The following RNGTT variants were observed in gnomAD, a reference collection of about 807,000 sequenced individuals.
RNGTT encodes RNA guanylyltransferase and 5'-phosphatase, also known as mRNA-capping enzyme.
Under a neutral mutation model 79.3 loss-of-function variants are expected in RNGTT, and 33 were observed. The observed-to-expected ratio is 0.42, with a 90% CI of 0.32 to 0.56. RNGTT has a LOEUF of 0.56. RNGTT is among the 20% of genes least tolerant of loss of function. The probability of loss-of-function intolerance (pLI) is 0.17; values close to 1 mark genes in which losing one functional copy is unlikely to be tolerated. For missense variants in RNGTT, 497 were observed against 739.1 expected (o/e 0.67, Z 3.80); for synonymous variants, 222 against 235.9 (o/e 0.94, Z 0.54).
intron 6 of RNGTT, among the ~76,000 whole-genome samples, chr6:88,899,295 C>T (rs1293563571): frequency 6.6e-6 from 1 of 151,210 alleles, no homozygotes; most frequent in Non-Finnish European, 1.5e-5. Flanking sequence ...CAGCCTATCA[C>T]TCTGTCACCT....
chr6:88,934,228 C>T (rs1332553554), intron 2 of RNGTT, among the ~76,000 whole-genome samples: 1 of 152,020 alleles, frequency 6.6e-6, no homozygotes, highest in Non-Finnish European at 1.5e-5. Flanking sequence ...GATGGTGTCT[C>T]GTTATGTTAT....
chr6:88,726,389 CAA>C lies in RNGTT; in HGVS notation c.1439+43383_1439+43384del, dbSNP rs61210098. 8.4e-3 allele frequency among the ~76,000 whole-genome samples: 839 copies of C among 99,494 alleles called. 14 individuals carry two copies. Among genetic ancestry groups the C allele is most frequent in the Admixed American group, 0.036 (362 of 9,944 alleles). 65.3% of individuals were successfully genotyped at this position (99,494 alleles called of 152,430 possible). A position where few individuals can be genotyped will look rare whatever the true frequency, so the allele number is the denominator to read the frequency against. ...CATCAGGTCAGAACTATCCTAAGTC[CAA>C]AAAAAAAAAAAAAAAAGCAAAAAGG... is the stretch of plus-strand genomic sequence containing the variant. On this transcript the variant is annotated intron_variant, in intron 13 of 15. Transcript: ENST00000369485.
chr6:88,646,998 G>A (rs1466910429), intron 14 of RNGTT, among the ~76,000 whole-genome samples: 1 of 152,054 alleles, frequency 6.6e-6, no homozygotes, highest in African/African-American at 2.4e-5. Flanking sequence ...TTGTGCACAT[G>A]TACCCTAGAA....
intron 12 of RNGTT, among the ~76,000 whole-genome samples, chr6:88,773,884 C>A (rs983962752): frequency 6.6e-6 from 1 of 152,040 alleles, no homozygotes; most frequent in Admixed American, 6.6e-5. Context: ...TAAGGCTCTG[C>A]GATCTTAGAT....
In RNGTT at chr6:88,846,685, G is replaced by A. The variant is rs1473756402; in HGVS notation, c.1105-2164C>T. On this transcript the variant is annotated intron_variant, in intron 10 of 15. Coordinates refer to ENST00000369485, the MANE Select transcript of RNGTT (RefSeq NM_003800.5). ...TGAGGCATGAGAATTGCCTGAACAC[G>A]GGAGGCAGAGGTTGCTGTGAGCTGA... Among the ~76,000 whole-genome samples the A allele has an allele frequency of 5.3e-5, 8 of 152,034 alleles. No homozygotes were observed. In the South Asian group the frequency reaches 8.3e-4, roughly 16 times the overall value.
intron 11 of RNGTT, among the ~76,000 whole-genome samples, chr6:88,802,116 A>G (rs538286593): frequency 3.9e-5 from 6 of 152,334 alleles, no homozygotes; most frequent in Admixed American, 3.3e-4. Context: ...ACTACAAACT[A>G]GCTCAAACAT....
At chr6:88,879,410 T>C (rs763561695) in intron 8 of RNGTT, among the ~76,000 whole-genome samples, 7 of 152,080 alleles carry the variant, frequency 4.6e-5, no homozygotes, top group Non-Finnish European at 1.0e-4. Flanking sequence ...AATAAATAAA[T>C]AAATACTGTT....
chr6:88,613,128 G>A (rs1772095025), intron 15 of RNGTT, among the ~76,000 whole-genome samples: 1 of 152,176 alleles, frequency 6.6e-6, no homozygotes, highest in Admixed American at 6.5e-5. Flanking sequence ...CTATAAGCAT[G>A]TCTTCCCCAC....
intron 6 of RNGTT, 74 bp from the exon 7 acceptor site, chr6:88,891,989 A>T: frequency 1.0e-6 from 1 of 982,240 alleles, no homozygotes; most frequent in Non-Finnish European, 1.5e-6. Flanking sequence ...TACAAAGAAG[A>T]GACTGAGAGA....
chr6:88,830,473 G>A (rs764458510), intron 11 of RNGTT, among the ~76,000 whole-genome samples: 8 of 151,956 alleles, frequency 5.3e-5, no homozygotes, highest in South Asian at 2.1e-4. Context: ...AGGAGAAAGC[G>A]GGAAAGATCT....
intron 2 of RNGTT, among the ~76,000 whole-genome samples, chr6:88,929,936 A>G (rs1784440957): frequency 1.3e-5 from 2 of 150,462 alleles, no homozygotes; most frequent in African/African-American, 2.4e-5. Flanking sequence ...ACATATGTAT[A>G]CATATGCATA....
In RNGTT at chr6:88,646,358, G is replaced by A. The variant is rs993980253; in HGVS notation, c.1507-31963C>T. 2.6e-5 allele frequency among the ~76,000 whole-genome samples: 4 copies of A among 152,222 alleles called. 1 individual carries two copies. Among genetic ancestry groups the A allele is most frequent in the Non-Finnish European group, 5.9e-5 (4 of 68,044 alleles). ...TCAGGAAACAATAGGTGCTGGAGAGGATGTGGAGAAACAGGAACATTTTTA... is the reference window on the plus strand; with the variant it reads ...TCAGGAAACAATAGGTGCTGGAGAGAATGTGGAGAAACAGGAACATTTTTA... On this transcript the variant is annotated intron_variant, in intron 14 of 15. Transcript: ENST00000369485.
At chr6:88,854,523 C>T (rs1181978306) in intron 8 of RNGTT, among the ~76,000 whole-genome samples, 3 of 152,114 alleles carry the variant, frequency 2.0e-5, no homozygotes, top group African/African-American at 7.2e-5. Flanking sequence ...AAGTGATTTG[C>T]CATTTGCCAG....
At chr6:88,729,882 T>A (rs1169216127) in intron 13 of RNGTT, among the ~76,000 whole-genome samples, 1 of 152,084 alleles carries the variant, frequency 6.6e-6, no homozygotes. Context: ...AGAAAAGTGG[T>A]TTGGTAAATG....
chr6:88,826,799 A>AAAT lies in RNGTT; in HGVS notation c.1269+17557_1269+17558insATT, dbSNP rs1554221302. Reference sequence around the variant, plus strand: ...ACCCTGTCTCAAAAGAAAAAAAAAAAATATATATATATATATATGTGTGTG... The same window carrying AAAT: ...ACCCTGTCTCAAAAGAAAAAAAAAAAAATATATATATATATATATATGTGTGTG... On this transcript the variant is annotated intron_variant, in intron 11 of 15. Transcript: ENST00000369485. Among the ~76,000 whole-genome samples the AAAT allele has an allele frequency of 9.9e-3, 1,260 of 126,922 alleles. 34 individuals carry two copies. Among genetic ancestry groups the AAAT allele is most frequent in the African/African-American group, 0.036 (1,180 of 32,338 alleles). 83.3% of individuals were successfully genotyped at this position (126,922 alleles called of 152,430 possible). A position where few individuals can be genotyped will look rare whatever the true frequency, so the allele number is the denominator to read the frequency against.
At chr6:88,658,470 CTGGG>C (rs1326107652) in intron 14 of RNGTT, among the ~76,000 whole-genome samples, 1 of 152,208 alleles carries the variant, frequency 6.6e-6, no homozygotes, top group Non-Finnish European at 1.5e-5. Context: ...GGTAGCCCCG[CTGGG>C]TGGCTAGACC....
At chr6:88,944,644 A>G (rs932901129) in intron 1 of RNGTT, among the ~76,000 whole-genome samples, 1 of 151,678 alleles carries the variant, frequency 6.6e-6, no homozygotes, top group Non-Finnish European at 1.5e-5. Flanking sequence ...TTATCCCCCA[A>G]CTTATGCTTC....
chr6:88,878,302 G>A (rs1562298426), intron 8 of RNGTT, among the ~76,000 whole-genome samples: 2 of 151,860 alleles, frequency 1.3e-5, no homozygotes, highest in African/African-American at 4.8e-5. Context: ...TTGCCATGTT[G>A]GTTAGGCTGG....
At chr6:88,815,131 C>T (rs1780273928) in intron 11 of RNGTT, among the ~76,000 whole-genome samples, 2 of 152,136 alleles carry the variant, frequency 1.3e-5, no homozygotes, top group Admixed American at 6.6e-5. Flanking sequence ...ATGTATTAGC[C>T]TGAACTTTTG....
Sources: allele counts gnomAD v4.1 joint callset (sites outside exome capture counted in the v4.1 genomes callset), GRCh38; gene constraint gnomAD v4.1.1; transcripts MANE v1.5; gene names NCBI Gene and HGNC (gene_info 2026-07-23, HGNC 2026-07-21).